The following FRMD5 variants were observed in gnomAD, a reference collection of about 807,000 sequenced individuals.
The protein encoded by FRMD5 is FERM domain containing 5, also known as FERM domain-containing protein 5.
Under a neutral mutation model 69.0 loss-of-function variants are expected in FRMD5, and 20 were observed. That is an observed-to-expected ratio of 0.29 (90% confidence interval 0.20 to 0.42). The LOEUF (loss-of-function observed/expected upper bound fraction) is 0.42. FRMD5 is among the 10% of genes least tolerant of loss of function. FRMD5 has a pLI of 1.00. For missense variants in FRMD5, 595 were observed against 708.6 expected, an observed-to-expected ratio of 0.84 and a Z score of 1.82; for synonymous variants, 271 against 260.1, an observed-to-expected ratio of 1.04 and a Z score of -0.40.
chr15:44,111,853 C>CTT (rs139569623), intron 1 of FRMD5, among the ~76,000 whole-genome samples: 2 of 145,124 alleles, frequency 1.4e-5, no homozygotes, highest in African/African-American at 2.5e-5. Context: ...CTCTCTTTTC[C>CTT]TTTTTTTTTT....
chr15:43,996,335 G>A (rs935500989), intron 1 of FRMD5, among the ~76,000 whole-genome samples: 18 of 152,164 alleles, frequency 1.2e-4, no homozygotes, highest in African/African-American at 3.9e-4. Flanking sequence ...GCCCAGTGTT[G>A]AGGAATGAGG....
chr15:44,013,542 T>A (rs1220232113), intron 1 of FRMD5, among the ~76,000 whole-genome samples: 1 of 152,226 alleles, frequency 6.6e-6, no homozygotes, highest in Non-Finnish European at 1.5e-5. Flanking sequence ...AATGATTGAA[T>A]GAGTCAACGA....
At chr15:43,967,079 G>T (rs1250429710) in intron 1 of FRMD5, among the ~76,000 whole-genome samples, 1 of 151,778 alleles carries the variant, frequency 6.6e-6, no homozygotes, top group Non-Finnish European at 1.5e-5. Context: ...ATGTAAATTT[G>T]GAAAATAAAG....
At chr15:43,955,733 T>A (rs951292699) in intron 1 of FRMD5, among the ~76,000 whole-genome samples, 1 of 152,130 alleles carries the variant, frequency 6.6e-6, no homozygotes. Flanking sequence ...AAGAACAAAT[T>A]ATTCTTCTAT....
intron 9 of FRMD5, 80 bp from the exon 10 acceptor site, chr15:43,888,346 A>T: frequency 1.1e-6 from 1 of 947,876 alleles, no homozygotes; most frequent in African/African-American, 1.6e-5. Context: ...CTGACCCCAG[A>T]GCTGTTAGAG....
At chr15:43,959,380 C>G (rs1243991537) in intron 1 of FRMD5, among the ~76,000 whole-genome samples, 1 of 152,174 alleles carries the variant, frequency 6.6e-6, no homozygotes, top group African/African-American at 2.4e-5. Context: ...CAAATACAGT[C>G]CTGGTAGTTC....
chr15:43,899,804 AG>A (rs2089000796), intron 7 of FRMD5, among the ~76,000 whole-genome samples: 1 of 152,176 alleles, frequency 6.6e-6, no homozygotes, highest in Admixed American at 6.5e-5. Flanking sequence ...ACCCAAGACG[AG>A]GCTGAGACAG....
At chr15:44,089,538 AC>A (rs1288159222) in intron 1 of FRMD5, among the ~76,000 whole-genome samples, 1 of 152,084 alleles carries the variant, frequency 6.6e-6, no homozygotes, top group African/African-American at 2.4e-5. Flanking sequence ...CCCTGTCTCT[AC>A]AAAAAATACA....
At chr15:44,126,572 A>T (rs188530953) in intron 1 of FRMD5, among the ~76,000 whole-genome samples, 36 of 152,272 alleles carry the variant, frequency 2.4e-4, no homozygotes, top group Admixed American at 2.2e-3. Flanking sequence ...CAGAAACATC[A>T]CACCATCCTC....
intron 1 of FRMD5, among the ~76,000 whole-genome samples, chr15:44,009,521 T>C (rs1356227276): frequency 2.0e-5 from 3 of 152,002 alleles, no homozygotes; most frequent in South Asian, 2.1e-4. Flanking sequence ...CTCTACAAAA[T>C]ACAAAAAATT....
chr15:44,179,520 T>C (rs1245495766), intron 1 of FRMD5, among the ~76,000 whole-genome samples: 1 of 152,330 alleles, frequency 6.6e-6, no homozygotes, highest in South Asian at 2.1e-4. Flanking sequence ...TATAAAGCTG[T>C]ATTTTGTGTT....
chr15:43,898,006 G>C (rs534364264), intron 7 of FRMD5, among the ~76,000 whole-genome samples: 6 of 152,292 alleles, frequency 3.9e-5, no homozygotes, highest in African/African-American at 1.4e-4. Context: ...CTAGCCATTT[G>C]GAACTATGAG....
At chr15:43,935,152 T>C (rs2089737723) in intron 1 of FRMD5, among the ~76,000 whole-genome samples, 1 of 152,194 alleles carries the variant, frequency 6.6e-6, no homozygotes, top group South Asian at 2.1e-4. Flanking sequence ...GGTATTTCAG[T>C]GGCTGAGCAG....
chr15:43,978,120 G>C (rs1436582906), intron 1 of FRMD5, among the ~76,000 whole-genome samples: 1 of 152,174 alleles, frequency 6.6e-6, no homozygotes, highest in African/African-American at 2.4e-5. Flanking sequence ...GCTTATTCTT[G>C]TAAATAAACC....
chr15:43,888,775 A>G, intron 9 of FRMD5, 34 bp downstream of exon 9: 1 of 1,578,208 alleles, frequency 6.3e-7, no homozygotes, highest in African/African-American at 1.3e-5. Flanking sequence ...CCATCACCCC[A>G]GCCCTCCTTG....
intron 1 of FRMD5, among the ~76,000 whole-genome samples, chr15:43,997,084 A>G: frequency 6.6e-6 from 1 of 152,316 alleles, no homozygotes; most frequent in Non-Finnish European, 1.5e-5. Flanking sequence ...GAAGAAAGAA[A>G]AGAGAGAAAG....
intron 1 of FRMD5, among the ~76,000 whole-genome samples, chr15:44,066,228 A>G (rs1280581751): frequency 1.3e-5 from 2 of 152,226 alleles, no homozygotes; most frequent in African/African-American, 4.8e-5. Context: ...ACTCAATTCA[A>G]TAAATCAATT....
At chr15:44,035,287 G>A (rs922705580) in intron 1 of FRMD5, among the ~76,000 whole-genome samples, 1 of 152,156 alleles carries the variant, frequency 6.6e-6, no homozygotes, top group Non-Finnish European at 1.5e-5. Flanking sequence ...AGACCTTAAG[G>A]AATATACAAT....
chr15:44,118,967 T>G (rs916979431), intron 1 of FRMD5, among the ~76,000 whole-genome samples: 20 of 152,012 alleles, frequency 1.3e-4, no homozygotes, highest in African/African-American at 4.6e-4. Flanking sequence ...TTATTAAATT[T>G]AACTTTTATT....
Sources: allele counts gnomAD v4.1 joint callset (sites outside exome capture counted in the v4.1 genomes callset), GRCh38; gene constraint gnomAD v4.1.1; transcripts MANE v1.5; gene names NCBI Gene and HGNC (gene_info 2026-07-23, HGNC 2026-07-21).